TAFA4: variants seen among roughly 807,000 people sequenced by gnomAD.
The protein encoded by TAFA4 is TAFA chemokine like family member 4.
A neutral mutation model predicts 21.1 loss-of-function variants in TAFA4; 20 were observed. The ratio of observed to expected loss-of-function variants is 0.95; its 90% CI spans 0.67 to 1.38. The LOEUF (loss-of-function observed/expected upper bound fraction) is 1.38, where lower values mean the gene tolerates loss of function less well. Ranked by LOEUF, TAFA4 falls within the 40% of genes most tolerant of loss-of-function variation. The probability of loss-of-function intolerance (pLI) is 0.00; values close to 1 mark genes in which losing one functional copy is unlikely to be tolerated. For synonymous variants in TAFA4, 71 were observed against 67.4 expected (o/e 1.05, Z -0.26); for missense variants, 211 against 180.9 (o/e 1.17, Z -0.95).
intron 3 of TAFA4, among the ~76,000 whole-genome samples, chr3:68,807,482 G>A (rs1309865869): frequency 6.6e-6 from 1 of 152,158 alleles, no homozygotes; most frequent in African/African-American, 2.4e-5. Flanking sequence ...CAAGAATTGG[G>A]TAGACAATGA....
At chr3:68,899,675 T>C (rs959951839) in intron 1 of TAFA4, among the ~76,000 whole-genome samples, 2 of 152,112 alleles carry the variant, frequency 1.3e-5, no homozygotes, top group East Asian at 1.9e-4. Context: ...AGTATACCTA[T>C]ATAAGGAAAT....
intron 3 of TAFA4, among the ~76,000 whole-genome samples, chr3:68,803,053 C>T (rs1703610002): frequency 6.6e-6 from 1 of 152,114 alleles, no homozygotes; most frequent in African/African-American, 2.4e-5. Context: ...AATTCAGTAC[C>T]TGAAATGCCA....
chr3:68,895,812 G>C (rs986321651), intron 1 of TAFA4, among the ~76,000 whole-genome samples: 3 of 152,124 alleles, frequency 2.0e-5, no homozygotes, highest in Non-Finnish European at 4.4e-5. Context: ...GAGACAAACA[G>C]GTAAACAAGC....
intron 3 of TAFA4, among the ~76,000 whole-genome samples, chr3:68,768,757 T>A (rs1277573640): frequency 2.0e-5 from 3 of 152,074 alleles, no homozygotes; most frequent in Non-Finnish European, 4.4e-5. Flanking sequence ...TACTATCGGG[T>A]CATTTAAAAA....
intron 3 of TAFA4, among the ~76,000 whole-genome samples, chr3:68,770,751 A>G (rs1207998507): frequency 6.6e-6 from 1 of 152,108 alleles, no homozygotes; most frequent in Non-Finnish European, 1.5e-5. Context: ...CCCATCTCTT[A>G]CTGATACAGG....
intron 3 of TAFA4, among the ~76,000 whole-genome samples, chr3:68,860,988 T>C (rs2089332980): frequency 6.6e-6 from 1 of 151,706 alleles, no homozygotes; most frequent in Admixed American, 6.6e-5. Context: ...GAATGGTCAC[T>C]GTGGTCAGCC....
intron 1 of TAFA4, among the ~76,000 whole-genome samples, chr3:68,904,341 G>C (rs2089876233): frequency 6.6e-6 from 1 of 152,172 alleles, no homozygotes. Flanking sequence ...GAGAGCCATA[G>C]GCTAGCGAGT....
chr3:68,848,463 T>G (rs1256397060), intron 3 of TAFA4, among the ~76,000 whole-genome samples: 1 of 152,236 alleles, frequency 6.6e-6, no homozygotes, highest in Non-Finnish European at 1.5e-5. Flanking sequence ...ATATGCCTTT[T>G]TCCCCAGGAA....
At chr3:68,816,452 T>G (rs187302799) in intron 3 of TAFA4, among the ~76,000 whole-genome samples, 2 of 152,340 alleles carry the variant, frequency 1.3e-5, no homozygotes, top group East Asian at 3.9e-4. Flanking sequence ...AAATTTATCC[T>G]TATATATTTT....
intron 3 of TAFA4, among the ~76,000 whole-genome samples, chr3:68,775,874 C>T (rs1194393506): frequency 6.6e-6 from 1 of 152,064 alleles, no homozygotes; most frequent in Non-Finnish European, 1.5e-5. Flanking sequence ...TCCTGTTCCA[C>T]ACATACTGTC....
intron 3 of TAFA4, among the ~76,000 whole-genome samples, chr3:68,770,463 G>T (rs1702932340): frequency 6.6e-6 from 1 of 152,134 alleles, no homozygotes; most frequent in Non-Finnish European, 1.5e-5. Flanking sequence ...AGCAAAGGCT[G>T]GTTTTATAAA....
At chr3:68,833,014 G>C (rs1704436817) in intron 3 of TAFA4, among the ~76,000 whole-genome samples, 1 of 152,246 alleles carries the variant, frequency 6.6e-6, no homozygotes, top group African/African-American at 2.4e-5. Flanking sequence ...TGCCAAGCCA[G>C]GCACAGGAGG....
At chr3:68,751,972 T>C (rs1702562704) in intron 4 of TAFA4, among the ~76,000 whole-genome samples, 1 of 152,204 alleles carries the variant, frequency 6.6e-6, no homozygotes, top group African/African-American at 2.4e-5. Flanking sequence ...TGCTGATGTA[T>C]ACCACTGTAA....
rs192113061 is a variant in TAFA4 at position 68,846,637 on chromosome 3, T to C, written c.130+34093A>G. ...ATTTTCAGCCTTTTTGCACTGGTTT[T>C]TTCCTCATCTTCGTGGATTTATCTA... is the stretch of plus-strand genomic sequence containing the variant. On this transcript the variant is annotated intron_variant, in intron 3 of 5. Coordinates refer to ENST00000295569, the MANE Select transcript of TAFA4 (RefSeq NM_182522.5). Among the ~76,000 whole-genome samples the C allele has an allele frequency of 2.2e-3, 334 of 152,314 alleles. 1 individual carries two copies. The highest frequency in any genetic ancestry group is 3.9e-3 in the Non-Finnish European group (263 of 68,028).
chr3:68,861,674 C>A (rs1275979857), intron 3 of TAFA4, among the ~76,000 whole-genome samples: 1 of 151,970 alleles, frequency 6.6e-6, no homozygotes, highest in Non-Finnish European at 1.5e-5. Flanking sequence ...AGCCAACCCC[C>A]CCAGCCCAGC....
intron 3 of TAFA4, among the ~76,000 whole-genome samples, chr3:68,826,159 T>C (rs368724906): frequency 6.6e-6 from 1 of 152,202 alleles, no homozygotes; most frequent in Non-Finnish European, 1.5e-5. Flanking sequence ...GAAGATGCCC[T>C]AAGAACACTG....
Position 68,904,096 on chromosome 3 carries a change from T to C in TAFA4, c.-122-18786A>G, listed in dbSNP as rs554421866. ...AAAAAAAAAAACAATTTGCCATGTATAGAAAGCTCCATCGTTTCAAGTGCC... is the reference window on the plus strand; with the variant it reads ...AAAAAAAAAAACAATTTGCCATGTACAGAAAGCTCCATCGTTTCAAGTGCC... On this transcript the variant is annotated intron_variant, in intron 1 of 5. Coordinates refer to ENST00000295569, the MANE Select transcript of TAFA4 (RefSeq NM_182522.5). Among the ~76,000 whole-genome samples the C allele has an allele frequency of 8.6e-5, 13 of 151,586 alleles. No individual in the cohort carries two copies. In the South Asian group the frequency reaches 2.5e-3, roughly 29 times the overall value.
intron 1 of TAFA4, among the ~76,000 whole-genome samples, chr3:68,908,723 T>C (rs1442258923): frequency 6.6e-6 from 1 of 152,198 alleles, no homozygotes; most frequent in Non-Finnish European, 1.5e-5. Context: ...AGTCATACAA[T>C]ATGGTTGGTA....
rs575556885 is a variant in TAFA4, at chr3:68,840,087, G to A, written c.130+40643C>T. On this transcript the variant is annotated intron_variant, in intron 3 of 5. Coordinates refer to ENST00000295569, the MANE Select transcript of TAFA4 (RefSeq NM_182522.5). ...GATGCCTTTGTTCCCTCAGGCTAAA[G>A]TCACCAGAAAAGATGGAGATGGTGA... Among the ~76,000 whole-genome samples the A allele has an allele frequency of 2.7e-3, 410 of 152,284 alleles. 3 individuals are homozygous for A. The highest frequency in any genetic ancestry group is 0.01 in the Middle Eastern group (3 of 294).
Sources: allele counts gnomAD v4.1 joint callset (sites outside exome capture counted in the v4.1 genomes callset), GRCh38; gene constraint gnomAD v4.1.1; transcripts MANE v1.5; gene names NCBI Gene and HGNC (gene_info 2026-07-23, HGNC 2026-07-21).